LCMT1: variants seen among roughly 807,000 people sequenced by gnomAD.
The protein encoded by LCMT1 is leucine carboxyl methyltransferase 1.
In LCMT1, 32 loss-of-function variants were observed where a neutral mutation model predicts 47.7. That is an observed-to-expected ratio of 0.67 (90% confidence interval 0.51 to 0.90). LCMT1 has a LOEUF of 0.90. Among genes scored for constraint, LCMT1 ranks in the 40% least tolerant of loss-of-function variants. The pLI is 0.00. For synonymous variants in LCMT1, 152 were observed against 149.7 expected, an observed-to-expected ratio of 1.02 and a Z score of -0.11; for missense variants, 375 against 415.2, an observed-to-expected ratio of 0.90 and a Z score of 0.84.
intron 5 of LCMT1, 77 bp downstream of exon 5, chr16:25,151,692 GTTGGGTGT>G: frequency 3.2e-6 from 2 of 620,198 alleles, no homozygotes; most frequent in Non-Finnish European, 5.2e-6. Context: ...TGGGGTTTGT[GTTGGGTGT>G]GTGTGTGTGT....
intron 4 of LCMT1, among the ~76,000 whole-genome samples, chr16:25,150,783 C>T (rs1361487443): frequency 6.6e-6 from 1 of 151,958 alleles, no homozygotes; most frequent in East Asian, 1.9e-4. Context: ...AAGTCTGATC[C>T]TTATAAAGTG....
At chr16:25,121,674 A>G (rs907281325) in intron 1 of LCMT1, among the ~76,000 whole-genome samples, 2 of 152,182 alleles carry the variant, frequency 1.3e-5, no homozygotes, top group Non-Finnish European at 2.9e-5. Context: ...AGAGGGTGGC[A>G]GGGTGGAGTG....
At chr16:25,122,275 A>T (rs545374704) in intron 1 of LCMT1, among the ~76,000 whole-genome samples, 5 of 141,150 alleles carry the variant, frequency 3.5e-5, no homozygotes, top group Non-Finnish European at 7.6e-5. Context: ...TGTCACTGAT[A>T]TTTCTTATGT....
At position 25,124,408 on chromosome 16, in the gene LCMT1, C is replaced by T. The variant is rs181599900; in HGVS notation, c.114-4067C>T. Reference sequence around the variant, plus strand: ...AGTAAATTTGAACACCTACATTAAACCTTCAGTTCTCTATGTTTATAGAAT... The same window carrying T: ...AGTAAATTTGAACACCTACATTAAATCTTCAGTTCTCTATGTTTATAGAAT... On this transcript the variant is annotated intron_variant, in intron 1 of 10. Transcript: ENST00000399069. 3.9e-5 allele frequency among the ~76,000 whole-genome samples: 6 copies of T among 152,250 alleles called. No homozygotes were observed. The East Asian group carries it at 1.2e-3, about 29-fold the overall frequency.
At chr16:25,152,338 C>G (rs1396790313) in intron 5 of LCMT1, among the ~76,000 whole-genome samples, 1 of 152,182 alleles carries the variant, frequency 6.6e-6, no homozygotes, top group East Asian at 1.9e-4. Context: ...CATCTGACCT[C>G]CCATCCTGAC....
At chr16:25,121,564 T>C (rs1248926297) in intron 1 of LCMT1, among the ~76,000 whole-genome samples, 1 of 152,202 alleles carries the variant, frequency 6.6e-6, no homozygotes, top group African/African-American at 2.4e-5. Flanking sequence ...CTGGGTAATT[T>C]ATAAAGGAAA....
At chr16:25,176,918 G>A (rs1397077937) in intron 10 of LCMT1, among the ~76,000 whole-genome samples, 1 of 151,142 alleles carries the variant, frequency 6.6e-6, no homozygotes, top group African/African-American at 2.4e-5. Flanking sequence ...AGTGGCTCAT[G>A]CCTGTAATCC....
intron 5 of LCMT1, among the ~76,000 whole-genome samples, chr16:25,158,400 G>T (rs1186662162): frequency 2.0e-5 from 3 of 152,238 alleles, no homozygotes; most frequent in Non-Finnish European, 4.4e-5. Flanking sequence ...CTCCCAAAGT[G>T]CTGGGATTCC....
At chr16:25,176,361 C>T (rs1567331948) in intron 10 of LCMT1, among the ~76,000 whole-genome samples, 1 of 152,018 alleles carries the variant, frequency 6.6e-6, no homozygotes, top group African/African-American at 2.4e-5. Flanking sequence ...CACAAGCGGG[C>T]AGCTGATCCG....
chr16:25,123,600 CTTTTTTTTTTTTT>C lies in LCMT1; in HGVS notation c.114-4862_114-4850del, dbSNP rs1173228613. 6.1e-3 allele frequency among the ~76,000 whole-genome samples: 389 copies of C among 63,598 alleles called. 3 individuals are homozygous for C. Among genetic ancestry groups the C allele is most frequent in the African/African-American group, 0.025 (345 of 13,836 alleles). 41.7% of individuals were successfully genotyped at this position (63,598 alleles called of 152,430 possible). The stretch of plus-strand genomic sequence containing the variant: ...GCTTGACTTCCCGTTAAATTGCTTT[CTTTTTTTTTTTTT>C]TTTTTTTTTTTTGAGACGGAGTCTT... On this transcript the variant is annotated intron_variant, in intron 1 of 10. Coordinates refer to ENST00000399069, the MANE Select transcript of LCMT1 (RefSeq NM_016309.3).
chr16:25,152,237 A>G (rs1422743504), intron 5 of LCMT1, among the ~76,000 whole-genome samples: 1 of 152,184 alleles, frequency 6.6e-6, no homozygotes, highest in Non-Finnish European at 1.5e-5. Context: ...GTTGGATGAC[A>G]GCAGCAGTAG....
chr16:25,159,351 C>T (rs1373638059), intron 5 of LCMT1, among the ~76,000 whole-genome samples: 1 of 152,254 alleles, frequency 6.6e-6, no homozygotes, highest in African/African-American at 2.4e-5. Flanking sequence ...CTCACTGCAG[C>T]CTTGAGCTCC....
intron 1 of LCMT1, among the ~76,000 whole-genome samples, chr16:25,113,373 G>A (rs1407896951): frequency 6.6e-6 from 1 of 152,210 alleles, no homozygotes; most frequent in Non-Finnish European, 1.5e-5. Context: ...GGATTCTGGA[G>A]CTAGACTCTG....
In LCMT1 at chr16:25,169,108, C is replaced by T; in HGVS notation, c.691-4C>T. ...TAATATCTTACCTTCTCTTTCCCTC[C>T]TAGGTGAACATGGGTGATCGGTTTG... On this transcript the variant is annotated splice_region_variant and splice_polypyrimidine_tract_variant and intron_variant, in intron 7 of 10. Transcript: ENST00000399069. The T allele has an allele frequency of 6.2e-7, 1 of 1,603,422 alleles. No homozygotes were observed. The highest frequency in any genetic ancestry group is 8.5e-7 in the Non-Finnish European group (1 of 1,170,872).
At chr16:25,175,105 C>G in intron 10 of LCMT1, 71 bp downstream of exon 10, 1 of 823,488 alleles carries the variant, frequency 1.2e-6, no homozygotes, top group Non-Finnish European at 2.0e-6. Flanking sequence ...CTTTCCCTTT[C>G]TCTTTCTGTT....
In LCMT1 at chr16:25,111,854, C is replaced by A; in HGVS notation, c.-30C>A. The A allele has an allele frequency of 6.7e-7, 1 of 1,486,710 alleles. No homozygotes were observed. The highest frequency in any genetic ancestry group is 1.7e-5 in the Admixed American group (1 of 58,092). 92.1% of individuals were successfully genotyped at this position (1,486,710 alleles called of 1,614,324 possible). A position where few individuals can be genotyped will look rare whatever the true frequency, so the allele number is the denominator to read the frequency against. ...GTCGACCCCGCTTCCATGTCCCTGG[C>A]GGACACAGCTCCCAGGAACCTCCAC... On this transcript the variant is annotated 5_prime_UTR_variant, in exon 1 of 11. Transcript: ENST00000399069.
intron 4 of LCMT1, chr16:25,144,148 G>A (rs545880406): frequency 2.0e-5 from 3 of 152,388 alleles, no homozygotes; most frequent in Admixed American, 6.5e-5. Context: ...GGAGAAGTTG[G>A]ATTGGATCCT....
intron 6 of LCMT1, among the ~76,000 whole-genome samples, chr16:25,161,751 A>T (rs1007393565): frequency 2.6e-5 from 4 of 152,116 alleles, no homozygotes; most frequent in Non-Finnish European, 5.9e-5. Flanking sequence ...TAATTTATGG[A>T]TAGAAACATA....
intron 1 of LCMT1, among the ~76,000 whole-genome samples, chr16:25,116,331 G>A (rs965944722): frequency 3.3e-5 from 5 of 152,218 alleles, no homozygotes; most frequent in Admixed American, 3.3e-4. Flanking sequence ...TCTATCAGCT[G>A]GGAGAAAGAG....
Sources: allele counts gnomAD v4.1 joint callset (sites outside exome capture counted in the v4.1 genomes callset), GRCh38; gene constraint gnomAD v4.1.1; transcripts MANE v1.5; gene names NCBI Gene and HGNC (gene_info 2026-07-23, HGNC 2026-07-21).